The following VPS13B variants were observed in gnomAD, a reference collection of about 807,000 sequenced individuals.
The protein encoded by VPS13B is vacuolar protein sorting 13 homolog B.
A neutral mutation model predicts 426.4 loss-of-function variants in VPS13B; 285 were observed. The ratio of observed to expected loss-of-function variants is 0.67; its 90% CI spans 0.61 to 0.74. The LOEUF (loss-of-function observed/expected upper bound fraction) is 0.74. Ranked by LOEUF, VPS13B falls within the 30% of genes least tolerant of loss-of-function variation. The pLI, the probability that VPS13B is intolerant of heterozygous loss-of-function variation, is 0.00. For missense variants in VPS13B, 4,537 were observed against 4,782.6 expected (o/e 0.95, Z 1.51); for synonymous variants, 1,676 against 1,676.4 (o/e 1.00, Z 0.01).
intron 16 of VPS13B, among the ~76,000 whole-genome samples, chr8:99,172,342 A>G (rs1056380179): frequency 2.0e-5 from 3 of 152,184 alleles, no homozygotes; most frequent in Non-Finnish European, 1.5e-5. Context: ...ATTTTTAAGC[A>G]GGATATTGAG....
At position 99,455,754 on chromosome 8, in the gene VPS13B, T is replaced by C. The variant is rs944559975; in HGVS notation, c.3446-11660T>C. On this transcript the variant is annotated intron_variant, in intron 23 of 61. Transcript: ENST00000357162. ...GTCTTTTGCATCTGGCTTCTTTCAC[T>C]TGGTGTAACATTTTGGTGTTCTTCC... 4.6e-5 allele frequency among the ~76,000 whole-genome samples: 7 copies of C among 152,208 alleles called. No homozygotes were observed. The East Asian group carries it at 1.3e-3, about 29-fold the overall frequency.
chr8:99,542,135 C>T (rs961701024), intron 30 of VPS13B, among the ~76,000 whole-genome samples: 16 of 152,200 alleles, frequency 1.1e-4, no homozygotes, highest in Non-Finnish European at 1.8e-4. Context: ...ATGATCCGCC[C>T]GCCTTGGCCT....
At chr8:99,472,006 C>T (rs1158921251) in intron 24 of VPS13B, among the ~76,000 whole-genome samples, 1 of 152,052 alleles carries the variant, frequency 6.6e-6, no homozygotes, top group East Asian at 1.9e-4. Context: ...GTAAAAGATA[C>T]ACCATACAAA....
At position 99,233,797 on chromosome 8, in the gene VPS13B, A is replaced by G; in HGVS notation, c.2516-40401A>G. The G allele has an allele frequency of 5.1e-6, 4 of 778,706 alleles. No homozygotes were observed. In the Admixed American group the frequency reaches 6.8e-5, roughly 13 times the overall value. 48.2% of individuals were successfully genotyped at this position (778,706 alleles called of 1,614,324 possible). Reference sequence around the variant, plus strand: ...TTCCAATCAGTCTTCCAAACAAGCCATTGTGGGCCACGATTTTCAGAGGAA... The same window carrying G: ...TTCCAATCAGTCTTCCAAACAAGCCGTTGTGGGCCACGATTTTCAGAGGAA... On this transcript the variant is annotated intron_variant, in intron 17 of 61. Transcript: ENST00000357162.
intron 12 of VPS13B, among the ~76,000 whole-genome samples, chr8:99,139,450 T>A (rs1349237109): frequency 2.6e-5 from 4 of 151,334 alleles, no homozygotes; most frequent in African/African-American, 9.7e-5. Context: ...TTTTTTTTTT[T>A]TGTTTGAGAC....
At position 99,777,022 on chromosome 8, in the gene VPS13B, CA is replaced by C. The variant is rs1486392991; in HGVS notation, c.7429+70del. On this transcript the variant is annotated intron_variant, in intron 41 of 61. Coordinates refer to ENST00000357162, the MANE Select transcript of VPS13B (RefSeq NM_152564.5). ...CTTACCATTTTCTCTTGAGTGTTTT[CA>C]AAAGAGAAGTCAACAATCTTAGATA... 3.9e-6 allele frequency: 6 copies of C among 1,542,166 alleles called. No individual in the cohort carries two copies. The Admixed American group carries it at 1.0e-4, about 26-fold the overall frequency.
At chr8:99,207,655 T>C (rs912221110) in intron 17 of VPS13B, among the ~76,000 whole-genome samples, 2 of 152,200 alleles carry the variant, frequency 1.3e-5, no homozygotes, top group African/African-American at 4.8e-5. Flanking sequence ...TAAAAATGTG[T>C]CAATAAATTA....
intron 30 of VPS13B, among the ~76,000 whole-genome samples, chr8:99,543,339 C>G (rs370762449): frequency 5.9e-5 from 9 of 152,014 alleles, no homozygotes; most frequent in Non-Finnish European, 1.2e-4. Flanking sequence ...TTAAACGTTA[C>G]ACCTAAAACC....
At chr8:99,846,151 G>T (rs1815971122) in intron 54 of VPS13B, among the ~76,000 whole-genome samples, 1 of 152,176 alleles carries the variant, frequency 6.6e-6, no homozygotes, top group African/African-American at 2.4e-5. Context: ...TCTTTATTGA[G>T]TACCCGGCAC....
chr8:99,775,474 A>G (rs1811694372), intron 40 of VPS13B, among the ~76,000 whole-genome samples: 1 of 152,118 alleles, frequency 6.6e-6, no homozygotes, highest in Non-Finnish European at 1.5e-5. Flanking sequence ...AACAATCCCA[A>G]ATTCCCAGGT....
At chr8:99,049,566 G>A (rs1843419816) in intron 3 of VPS13B, among the ~76,000 whole-genome samples, 1 of 150,974 alleles carries the variant, frequency 6.6e-6, no homozygotes, top group Non-Finnish European at 1.5e-5. Flanking sequence ...TTCTTTAATA[G>A]GTTACCTTGT....
chr8:99,398,917 T>G (rs1249146477), intron 21 of VPS13B, among the ~76,000 whole-genome samples: 1 of 152,106 alleles, frequency 6.6e-6, no homozygotes, highest in Non-Finnish European at 1.5e-5. Context: ...AACCAGTTTT[T>G]CAGGTTAACT....
chr8:99,841,996 G>A (rs11781989), intron 54 of VPS13B, among the ~76,000 whole-genome samples: 4,648 of 152,142 alleles, frequency 0.031, 110 homozygotes, highest in Middle Eastern at 0.085. Context: ...ATCAGGCCCC[G>A]TCTCACTCCT....
chr8:99,463,926 C>T (rs182835025), intron 23 of VPS13B, among the ~76,000 whole-genome samples: 1 of 152,254 alleles, frequency 6.6e-6, no homozygotes, highest in East Asian at 1.9e-4. Context: ...AACTCTCGAC[C>T]TCAGGTGATC....
At chr8:99,749,819 T>G (rs1490509490) in intron 39 of VPS13B, among the ~76,000 whole-genome samples, 1 of 152,138 alleles carries the variant, frequency 6.6e-6, no homozygotes, top group South Asian at 2.1e-4. Context: ...CCCTCCATAC[T>G]GTTCTCCATA....
chr8:99,064,963 TAAAGA>T (rs973641052), intron 3 of VPS13B, among the ~76,000 whole-genome samples: 1 of 152,166 alleles, frequency 6.6e-6, no homozygotes, highest in African/African-American at 2.4e-5. Flanking sequence ...TCAACATTCT[TAAAGA>T]AAAGAATTTT....
rs143024324 is a variant in VPS13B, at chr8:99,134,673, G to A, written c.1248G>A (p.Gln416=). The change falls in exon 9 of 62, where the codon CAG becomes CAA. Residue 416 remains glutamine, a synonymous_variant. Coordinates refer to ENST00000357162, the MANE Select transcript of VPS13B (RefSeq NM_152564.5). The part of the protein sequence containing the change: ...MQVESSYYSP[Q]KVKSKEVLCW... Reference sequence around the variant, plus strand: ...TTGAGAGTAGTTATTACAGTCCACAGAAAGTAAAATCTAAAGAAGTATTGT... The same window carrying A: ...TTGAGAGTAGTTATTACAGTCCACAAAAAGTAAAATCTAAAGAAGTATTGT... The A allele has an allele frequency of 6.2e-7, 1 of 1,610,392 alleles. No individual in the cohort carries two copies. The highest frequency in any genetic ancestry group is 1.1e-5 in the South Asian group (1 of 90,124).
intron 55 of VPS13B, among the ~76,000 whole-genome samples, chr8:99,849,223 T>C (rs1310871445): frequency 1.3e-5 from 2 of 152,214 alleles, no homozygotes; most frequent in Non-Finnish European, 2.9e-5. Flanking sequence ...TAATTAATAA[T>C]AAAACTTAGC....
rs1017415059 is a variant in VPS13B, at chr8:99,028,131, A to C, written c.148-10292A>C. ...CTACTTCTCTCCACACAGACCCGGC[A>C]ACCATCCGATTTCTCAATCTTTTCC... On this transcript the variant is annotated intron_variant, in intron 2 of 61. Transcript: ENST00000357162. Among the ~76,000 whole-genome samples, 10 of 152,288 alleles carry C rather than the reference A, an allele frequency of 6.6e-5. 1 individual carries two copies. Among genetic ancestry groups the C allele is most frequent in the African/African-American group, 2.2e-4 (9 of 41,558 alleles).
Sources: gnomAD v4.1 joint callset for allele counts (sites outside exome capture counted in the v4.1 genomes callset) on GRCh38, gnomAD v4.1.1 for gene constraint, MANE v1.5 for transcripts, NCBI Gene and HGNC (gene_info 2026-07-23, HGNC 2026-07-21) for gene names.